Variants in EPHA6 observed in about 807,000 individuals in gnomAD.
The protein encoded by EPHA6 is ephrin type-A receptor 6.
A neutral mutation model predicts 112.0 loss-of-function variants in EPHA6; 50 were observed. That is an observed-to-expected ratio of 0.45 (90% CI 0.36 to 0.56). The LOEUF (loss-of-function observed/expected upper bound fraction) is 0.56, where lower values mean the gene tolerates loss of function less well. EPHA6 is among the 20% of genes least tolerant of loss of function. The pLI is 0.00. For synonymous variants in EPHA6, 529 were observed against 490.7 expected (o/e 1.08, Z -1.03); for missense variants, 1,280 against 1,417.4 (o/e 0.90, Z 1.56).
At chr3:97,421,941 T>A (rs1442925858) in intron 6 of EPHA6, among the ~76,000 whole-genome samples, 1 of 151,934 alleles carries the variant, frequency 6.6e-6, no homozygotes, top group African/African-American at 2.4e-5. Context: ...GATTCCCACC[T>A]CATATCATTC....
At chr3:96,952,304 T>C (rs1456964819) in intron 2 of EPHA6, among the ~76,000 whole-genome samples, 1 of 152,208 alleles carries the variant, frequency 6.6e-6, no homozygotes, top group East Asian at 1.9e-4. Flanking sequence ...GAAACTCATG[T>C]TGCAATGTAA....
chr3:97,566,805 T>C (rs1157190518), intron 11 of EPHA6, among the ~76,000 whole-genome samples: 1 of 152,184 alleles, frequency 6.6e-6, no homozygotes, highest in Non-Finnish European at 1.5e-5. Context: ...TATGGACACC[T>C]TCTGTATCTT....
intron 14 of EPHA6, among the ~76,000 whole-genome samples, chr3:97,672,744 C>A (rs9818542): frequency 6.6e-6 from 1 of 152,108 alleles, no homozygotes; most frequent in Non-Finnish European, 1.5e-5. Flanking sequence ...TCTTCTTAAA[C>A]GCTCTTGAGA....
chr3:97,134,540 C>G (rs772641906), intron 3 of EPHA6, among the ~76,000 whole-genome samples: 2 of 152,028 alleles, frequency 1.3e-5, no homozygotes, highest in Non-Finnish European at 2.9e-5. Context: ...CTTTCAAGAT[C>G]TTCATGTTGG....
At chr3:96,999,801 T>C (rs1363719293) in intron 3 of EPHA6, among the ~76,000 whole-genome samples, 2 of 151,878 alleles carry the variant, frequency 1.3e-5, no homozygotes, top group Non-Finnish European at 2.9e-5. Context: ...TCAGAGCTGA[T>C]TAGCCACCAG....
chr3:96,930,992 CAAAAAAAAAA>C (rs754917681), intron 2 of EPHA6, among the ~76,000 whole-genome samples: 33 of 34,782 alleles, frequency 9.5e-4, no homozygotes, highest in African/African-American at 1.6e-3. Flanking sequence ...ACTCTGTCTC[CAAAAAAAAAA>C]AAAAAAAAAA....
chr3:97,334,763 T>C (rs2082978407), intron 5 of EPHA6, among the ~76,000 whole-genome samples: 1 of 152,178 alleles, frequency 6.6e-6, no homozygotes, highest in Admixed American at 6.6e-5. Flanking sequence ...CTGCTTCATT[T>C]CTTTAAGTTG....
Position 97,506,452 on chromosome 3 carries a change from T to C in EPHA6, c.2200+22393T>C, listed in dbSNP as rs537377870. Among the ~76,000 whole-genome samples the C allele has an allele frequency of 4.6e-5, 7 of 152,332 alleles. No homozygotes were observed. In the South Asian group the frequency reaches 1.2e-3, roughly 27 times the overall value. ...TATTAAATAGGAAATCCTTTCCCCA[T>C]TGCTTGTTTTTGTAAGGCTTGTCAA... On this transcript the variant is annotated intron_variant, in intron 10 of 17. Coordinates refer to ENST00000389672, the MANE Select transcript of EPHA6 (RefSeq NM_001080448.3).
chr3:97,021,064 C>T (rs1052713759), intron 3 of EPHA6, among the ~76,000 whole-genome samples: 2 of 152,174 alleles, frequency 1.3e-5, no homozygotes, highest in Non-Finnish European at 1.5e-5. Flanking sequence ...AATGAAAAGA[C>T]TTGCAGCCAG....
At chr3:97,046,133 A>G (rs2045498181) in intron 3 of EPHA6, among the ~76,000 whole-genome samples, 1 of 152,182 alleles carries the variant, frequency 6.6e-6, no homozygotes. Context: ...TAGTATAAAA[A>G]GGACAAATCA....
intron 5 of EPHA6, among the ~76,000 whole-genome samples, chr3:97,342,026 TAGAG>T (rs1316619615): frequency 1.3e-5 from 2 of 152,256 alleles, no homozygotes; most frequent in South Asian, 2.1e-4. Flanking sequence ...TTCTGTAACA[TAGAG>T]AGAGGAATAG....
intron 3 of EPHA6, among the ~76,000 whole-genome samples, chr3:97,176,518 G>A (rs745753608): frequency 1.6e-4 from 25 of 151,718 alleles, no homozygotes; most frequent in Non-Finnish European, 2.8e-4. Context: ...GGACTCGTTG[G>A]GTCCCAGGCT....
At chr3:97,415,219 G>A (rs989245673) in intron 6 of EPHA6, among the ~76,000 whole-genome samples, 9 of 151,986 alleles carry the variant, frequency 5.9e-5, no homozygotes, top group African/African-American at 1.9e-4. Context: ...AATCTAAAGC[G>A]AGCTTGATTT....
intron 3 of EPHA6, among the ~76,000 whole-genome samples, chr3:97,183,533 A>C (rs2108457354): frequency 6.6e-6 from 1 of 152,272 alleles, no homozygotes; most frequent in African/African-American, 2.4e-5. Context: ...CATCTCATAA[A>C]AGTTATTCAC....
intron 3 of EPHA6, among the ~76,000 whole-genome samples, chr3:97,071,021 G>A (rs7640007): frequency 0.14 from 21,445 of 151,928 alleles, 2,652 homozygotes; most frequent in African/African-American, 0.34. Context: ...TTTCCCCAAA[G>A]TATCCCATCA....
chr3:97,725,088 G>A (rs746265143), intron 15 of EPHA6, among the ~76,000 whole-genome samples: 2 of 152,094 alleles, frequency 1.3e-5, no homozygotes, highest in Non-Finnish European at 2.9e-5. Flanking sequence ...CTAAGAAGGT[G>A]GTCCAGCATT....
At chr3:97,225,122 A>G (rs2078315894) in intron 3 of EPHA6, among the ~76,000 whole-genome samples, 2 of 151,982 alleles carry the variant, frequency 1.3e-5, no homozygotes, top group South Asian at 4.1e-4. Context: ...CGCCCAGCTG[A>G]TCTTTTGTAT....
chr3:97,651,696 T>C (rs183117508), intron 14 of EPHA6, among the ~76,000 whole-genome samples: 1 of 152,154 alleles, frequency 6.6e-6, no homozygotes, highest in East Asian at 1.9e-4. Context: ...TTTCCCATGA[T>C]TTTAGAACAA....
intron 2 of EPHA6, among the ~76,000 whole-genome samples, chr3:96,954,826 G>A (rs9827575): frequency 0.02 from 2,223 of 110,494 alleles, 60 homozygotes; most frequent in East Asian, 0.06. Flanking sequence ...TCGCTCTGTC[G>A]CCCAGGCCGG....
Sources: allele counts gnomAD v4.1 joint callset (sites outside exome capture counted in the v4.1 genomes callset), GRCh38; gene constraint gnomAD v4.1.1; transcripts MANE v1.5; gene names NCBI Gene and HGNC (gene_info 2026-07-23, HGNC 2026-07-21).